PLB1: variants seen among roughly 807,000 people sequenced by gnomAD.
The protein encoded by PLB1 is phospholipase B1, membrane-associated.
Under a neutral mutation model 227.4 loss-of-function variants are expected in PLB1, and 242 were observed. The observed-to-expected ratio is 1.06, with a 90% CI of 0.96 to 1.18. The LOEUF (loss-of-function observed/expected upper bound fraction) is 1.18, where lower values mean the gene tolerates loss of function less well. Among genes scored for constraint, PLB1 ranks in the 50% most tolerant of loss-of-function variants. PLB1 has a pLI of 0.00. For synonymous variants in PLB1, 757 were observed against 682.2 expected, an observed-to-expected ratio of 1.11 and a Z score of -1.71; for missense variants, 1,858 against 1,816.3, an observed-to-expected ratio of 1.02 and a Z score of -0.42.
At chr2:28,516,712 A>G in intron 1 of PLB1, 96 bp from the exon 2 acceptor site, 1 of 1,081,842 alleles carries the variant, frequency 9.2e-7, no homozygotes, top group Non-Finnish European at 1.4e-6. Flanking sequence ...TGAGCTGGGC[A>G]CACAGATATG....
At chr2:28,506,914 G>A (rs1260287280) in intron 1 of PLB1, among the ~76,000 whole-genome samples, 1 of 152,130 alleles carries the variant, frequency 6.6e-6, no homozygotes, top group Non-Finnish European at 1.5e-5. Flanking sequence ...AGAATGAGGG[G>A]TCCTAAGCCT....
At position 28,566,896 on chromosome 2, in the gene PLB1, C is replaced by T. The variant is rs964406892; in HGVS notation, c.1324+57C>T. 1.1e-4 allele frequency: 181 copies of T among 1,598,068 alleles called. 1 individual carries two copies. Among genetic ancestry groups the T allele is most frequent in the Non-Finnish European group, 2.6e-5 (30 of 1,167,710 alleles). ...TTTGGGGCGGCCCCTGCACGCTTCC[C>T]GCTCCCCCTGCAGGTGGCGCGGGCC... On this transcript the variant is annotated intron_variant, in intron 20 of 57. Coordinates refer to ENST00000327757, the MANE Select transcript of PLB1 (RefSeq NM_153021.5).
At chr2:28,565,068 C>T (rs908204965) in intron 18 of PLB1, among the ~76,000 whole-genome samples, 6 of 152,164 alleles carry the variant, frequency 3.9e-5, no homozygotes, top group African/African-American at 1.4e-4. Context: ...TGAAGCAGAG[C>T]TGGGAGTAGC....
At chr2:28,522,816 C>T (rs940453021) in intron 4 of PLB1, among the ~76,000 whole-genome samples, 1 of 152,172 alleles carries the variant, frequency 6.6e-6, no homozygotes, top group Non-Finnish European at 1.5e-5. Context: ...AGGATAAAAA[C>T]CTGAAAGCAC....
At chr2:28,581,525 A>G (rs1680001054) in intron 23 of PLB1, among the ~76,000 whole-genome samples, 1 of 145,710 alleles carries the variant, frequency 6.9e-6, no homozygotes, top group Non-Finnish European at 1.5e-5. Context: ...AAATAAATAA[A>G]TAAATAAATA....
At chr2:28,624,403 T>C (rs1687448258) in intron 49 of PLB1, among the ~76,000 whole-genome samples, 1 of 120,860 alleles carries the variant, frequency 8.3e-6, no homozygotes, top group African/African-American at 2.9e-5. Flanking sequence ...TCCCTTTTTA[T>C]GGCTGAGTAG....
intron 26 of PLB1, among the ~76,000 whole-genome samples, chr2:28,587,878 A>G (rs144456665): frequency 1.3e-5 from 2 of 152,256 alleles, no homozygotes; most frequent in Admixed American, 6.5e-5. Flanking sequence ...GGGGTCTCCA[A>G]ACTTGGAAGT....
At chr2:28,565,168 A>G in intron 18 of PLB1, 112 bp from the exon 19 acceptor site, 1 of 838,092 alleles carries the variant, frequency 1.2e-6, no homozygotes, top group East Asian at 2.7e-5. Flanking sequence ...TAGATCCCAG[A>G]GAGTGCCCAG....
intron 1 of PLB1, among the ~76,000 whole-genome samples, chr2:28,506,990 C>G (rs1458286839): frequency 1.3e-5 from 2 of 152,198 alleles, no homozygotes; most frequent in Admixed American, 6.5e-5. Flanking sequence ...GTCTCCCTTC[C>G]TGAGACTCCC....
chr2:28,538,156 A>G (rs1671958394), intron 9 of PLB1, 163 bp from the exon 10 acceptor site: 1 of 845,024 alleles, frequency 1.2e-6, no homozygotes, highest in Non-Finnish European at 2.0e-6. Flanking sequence ...AGACAAAACT[A>G]GGAAGCTCTG....
chr2:28,601,746 C>A, intron 37 of PLB1, 153 bp from the exon 38 acceptor site: 1 of 700,382 alleles, frequency 1.4e-6, no homozygotes, highest in South Asian at 1.6e-5. Context: ...GTCAACTGTT[C>A]ATCTCAGATT....
Position 28,529,305 on chromosome 2 carries a change from TTC to T in PLB1, c.326-6_326-5del. 1.3e-6 allele frequency: 2 copies of T among 1,590,374 alleles called. No homozygotes were observed. The highest frequency in any genetic ancestry group is 1.7e-6 in the Non-Finnish European group (2 of 1,158,556). ...GGTGAAGGCCAGGGCCTCAAACCAG[TTC>T]TCTCTTTAGTCCTTTCAGACATCAT... On this transcript the variant is annotated splice_polypyrimidine_tract_variant and intron_variant, in intron 6 of 57. Transcript: ENST00000327757.
At chr2:28,506,548 CT>C (rs1310690058) in intron 1 of PLB1, among the ~76,000 whole-genome samples, 1 of 152,126 alleles carries the variant, frequency 6.6e-6, no homozygotes, top group Non-Finnish European at 1.5e-5. Context: ...CTTAAAGAGA[CT>C]TCTAAAATGA....
At chr2:28,628,952 T>G in intron 52 of PLB1, 142 bp from the exon 53 acceptor site, 1 of 670,348 alleles carries the variant, frequency 1.5e-6, no homozygotes, top group Non-Finnish European at 2.6e-6. Flanking sequence ...TTCAGTGAGA[T>G]ACTACAAGTT....
chr2:28,618,118 T>G (rs1217228630), intron 45 of PLB1, among the ~76,000 whole-genome samples: 1 of 152,206 alleles, frequency 6.6e-6, no homozygotes, highest in Non-Finnish European at 1.5e-5. Context: ...CACCCCAATG[T>G]CAATCAGGCT....
chr2:28,599,778 G>C (rs959375014), intron 35 of PLB1, among the ~76,000 whole-genome samples: 5 of 151,934 alleles, frequency 3.3e-5, no homozygotes, highest in African/African-American at 1.2e-4. Context: ...ATCACGCCCA[G>C]CTAATTTTTG....
rs760779368 is a variant in PLB1, at chr2:28,565,234, C to T, written c.1207-46C>T. 1.4e-5 allele frequency: 22 copies of T among 1,537,404 alleles called. No individual in the cohort carries two copies. The East Asian group carries it at 3.9e-4, about 27-fold the overall frequency. On this transcript the variant is annotated intron_variant, in intron 18 of 57. Coordinates refer to ENST00000327757, the MANE Select transcript of PLB1 (RefSeq NM_153021.5). ...TTTTGGCAGGTAGGCAGAGGTGGGC[C>T]ACTGGGGAAAGCAGAGAAACTCACC...
rs368584940 is a variant in PLB1 at position 28,620,859 on chromosome 2, C to T, written c.3428-20C>T. On this transcript the variant is annotated intron_variant, in intron 48 of 57. Coordinates refer to ENST00000327757, the MANE Select transcript of PLB1 (RefSeq NM_153021.5). ...GCAGGCTCTCACCTGTGCTCTTCTC[C>T]TCCTCCTCCTCCTCTAAAGACATTC... The T allele has an allele frequency of 3.1e-6, 5 of 1,603,060 alleles. No individual in the cohort carries two copies. Among genetic ancestry groups the T allele is most frequent in the Non-Finnish European group, 4.3e-6 (5 of 1,170,058 alleles).
chr2:28,548,698 C>T, intron 14 of PLB1, 162 bp from the exon 15 acceptor site: 1 of 694,000 alleles, frequency 1.4e-6, no homozygotes, highest in South Asian at 1.7e-5. Context: ...GCCCCAGCCC[C>T]AGAGTCTCAG....
Sources: gnomAD v4.1 joint callset for allele counts (sites outside exome capture counted in the v4.1 genomes callset) on GRCh38, gnomAD v4.1.1 for gene constraint, MANE v1.5 for transcripts, NCBI Gene and HGNC (gene_info 2026-07-23, HGNC 2026-07-21) for gene names.